Variants in PLET1 observed in about 807,000 individuals in gnomAD.
PLET1 encodes the protein placenta-expressed transcript 1 protein.
A neutral mutation model predicts 18.5 loss-of-function variants in PLET1; 20 were observed. The ratio of observed to expected loss-of-function variants is 1.08; its 90% confidence interval spans 0.76 to 1.57. PLET1 has a LOEUF of 1.57. PLET1 is among the 40% of genes most tolerant of loss of function. PLET1 has a pLI of 0.00. For synonymous variants in PLET1, 93 were observed against 93.8 expected (o/e 0.99, Z 0.05); for missense variants, 256 against 246.4 (o/e 1.04, Z -0.26).
At chr11:112,252,793 T>C (rs1280705181) in intron 2 of PLET1, among the ~76,000 whole-genome samples, 1 of 152,216 alleles carries the variant, frequency 6.6e-6, no homozygotes, top group Non-Finnish European at 1.5e-5. Flanking sequence ...CTAGGCATGA[T>C]GCTCTGTTGC....
chr11:112,255,100 A>ATGTGG (rs1432408752), intron 2 of PLET1, among the ~76,000 whole-genome samples: 2 of 63,870 alleles, frequency 3.1e-5, no homozygotes, highest in Admixed American at 1.9e-4. Context: ...TGTGTGTGGT[A>ATGTGG]TGTATGTGTG....
intron 1 of PLET1, among the ~76,000 whole-genome samples, chr11:112,256,692 A>G (rs1323234669): frequency 6.6e-6 from 1 of 152,234 alleles, no homozygotes; most frequent in Non-Finnish European, 1.5e-5. Flanking sequence ...CTATATGCAC[A>G]CAACAGTTCT....
Position 112,260,393 on chromosome 11 carries a change from G to A in PLET1, c.184+13C>T. On this transcript the variant is annotated intron_variant, in intron 1 of 3. Transcript: ENST00000338832. ...GGGAACAAAGGACAGCAGAGAGCAT[G>A]GCTTCTACTCACCAGAATAGACTGC... The A allele has an allele frequency of 1.9e-6, 3 of 1,547,358 alleles. No individual in the cohort carries two copies. Among genetic ancestry groups the A allele is most frequent in the East Asian group, 4.9e-5 (2 of 40,900 alleles).
At chr11:112,254,218 T>TGTGTGTG (rs1247573835) in intron 2 of PLET1, among the ~76,000 whole-genome samples, 1 of 139,270 alleles carries the variant, frequency 7.2e-6, no homozygotes, top group Non-Finnish European at 1.6e-5. Flanking sequence ...TGTGTGTGTG[T>TGTGTGTG]GAAAAGGGGG....
chr11:112,254,741 GTGCTGT>G, intron 2 of PLET1, among the ~76,000 whole-genome samples: 1 of 134,868 alleles, frequency 7.4e-6, no homozygotes. Flanking sequence ...TGGTGTGTGT[GTGCTGT>G]GTGTGTGGTG....
At position 112,248,946 on chromosome 11, in the gene PLET1, A is replaced by G; in HGVS notation, c.477T>C (p.Ile159=). 1 of 1,550,652 alleles carries G rather than the reference A, an allele frequency of 6.4e-7. No homozygotes were observed. Among genetic ancestry groups the G allele is most frequent in the Non-Finnish European group, 8.7e-7 (1 of 1,146,958 alleles). Residue 159 remains isoleucine (I), a synonymous_variant, in exon 4 of 4, where the codon ATT becomes ATC. Transcript: ENST00000338832. The stretch of plus-strand genomic sequence containing the variant: ...AAGGCTTGAAGGCTGAGCTCTGGGG[A>G]ATCTTGGCAGCTAAGGCTAAGGTTG... The part of the protein sequence containing the change: ...KLSTLALAAK[I]PQSSAFKPFF...
rs1056431077 is a variant in PLET1 at position 112,252,334 on chromosome 11, G to A, written c.448+14C>T. 1 of 1,547,196 alleles carries A rather than the reference G, an allele frequency of 6.5e-7. No individual in the cohort carries two copies. ...TCATTGCAAGACTTGCAAATGGGCTGCAAAGGAACTCACGTTTTTCTCTTA... is the reference window on the plus strand; with the variant it reads ...TCATTGCAAGACTTGCAAATGGGCTACAAAGGAACTCACGTTTTTCTCTTA... On this transcript the variant is annotated intron_variant, in intron 3 of 3. Coordinates refer to ENST00000338832, the MANE Select transcript of PLET1 (RefSeq NM_001145024.1).
chr11:112,258,207 C>CCT (rs760425205), intron 1 of PLET1, among the ~76,000 whole-genome samples: 13 of 151,912 alleles, frequency 8.6e-5, no homozygotes, highest in Non-Finnish European at 1.6e-4. Context: ...TCATCTTTCT[C>CCT]CTGTCTTTCT....
At position 112,248,492 on chromosome 11, in the gene PLET1, G is replaced by A. The variant is rs1156304437; in HGVS notation, c.*307C>T. The A allele has an allele frequency of 7.2e-6, 3 of 417,600 alleles. No individual in the cohort carries two copies. Among genetic ancestry groups the A allele is most frequent in the African/African-American group, 6.1e-5 (3 of 48,906 alleles). The allele number at this position is 417,600 out of a possible 1,614,324, so 25.9% of individuals were successfully genotyped here. ...TTGGCAGTGAACAAAAGTTGAGATT[G>A]GCTGTGGAATTGGCTGCCAACCTGT... On this transcript the variant is annotated 3_prime_UTR_variant, in exon 4 of 4. Transcript: ENST00000338832.
Position 112,248,932 on chromosome 11 carries a change from G to T in PLET1, c.491C>A (p.Ala164Asp). The T allele has an allele frequency of 1.9e-6, 3 of 1,551,112 alleles. No homozygotes were observed. The highest frequency in any genetic ancestry group is 2.6e-6 in the Non-Finnish European group (3 of 1,146,980). Residue 164 changes from alanine (A) to aspartate (D), a missense_variant, in exon 4 of 4, where the codon GCC becomes GAC. Transcript: ENST00000338832. Reference protein sequence around the residue: ...ALAAKIPQSSAFKPFFMITPK... With the variant: ...ALAAKIPQSSDFKPFFMITPK... ...TGTAATCATGAAGAAAGGCTTGAAGGCTGAGCTCTGGGGAATCTTGGCAGC... is the reference window on the plus strand; with the variant it reads ...TGTAATCATGAAGAAAGGCTTGAAGTCTGAGCTCTGGGGAATCTTGGCAGC...
intron 2 of PLET1, among the ~76,000 whole-genome samples, chr11:112,254,806 G>C: frequency 8.2e-6 from 1 of 121,428 alleles, no homozygotes; most frequent in Admixed American, 8.8e-5. Flanking sequence ...TGTGGTGCAT[G>C]TGTGGTGTGT....
chr11:112,260,156 C>G, intron 1 of PLET1: 1 of 447,404 alleles, frequency 2.2e-6, no homozygotes, highest in Non-Finnish European at 3.9e-6. Flanking sequence ...TGTGCTCTTG[C>G]TGGGACTCAG....
intron 3 of PLET1, 41 bp from the exon 4 acceptor site, chr11:112,249,015 G>C (rs1267114574): frequency 1.3e-6 from 2 of 1,534,570 alleles, no homozygotes; most frequent in Non-Finnish European, 1.8e-6. Context: ...CTGGAAAATG[G>C]CATCGGAACC....
chr11:112,248,451 G>A lies in PLET1; in HGVS notation c.*348C>T. ...GGATTCTTCCCACAGAAACTCAGAG[G>A]TTGCAGGGGAATCATTTGGCAGTGA... On this transcript the variant is annotated 3_prime_UTR_variant, in exon 4 of 4. Transcript: ENST00000338832. The A allele has an allele frequency of 2.5e-6, 1 of 405,530 alleles. No individual in the cohort carries two copies. Among genetic ancestry groups the A allele is most frequent in the East Asian group, 3.5e-5 (1 of 28,250 alleles). 25.1% of individuals were successfully genotyped at this position (405,530 alleles called of 1,614,324 possible).
chr11:112,249,552 T>C (rs1860133610), intron 3 of PLET1, among the ~76,000 whole-genome samples: 1 of 152,084 alleles, frequency 6.6e-6, no homozygotes, highest in African/African-American at 2.4e-5. Context: ...TTCTCTGAGG[T>C]TAACTTGCAG....
intron 1 of PLET1, among the ~76,000 whole-genome samples, chr11:112,259,487 A>G (rs1860262820): frequency 6.6e-6 from 1 of 152,216 alleles, no homozygotes; most frequent in African/African-American, 2.4e-5. Context: ...GCTATATAAA[A>G]AATATCTACT....
At position 112,248,621 on chromosome 11, in the gene PLET1, C is replaced by T; in HGVS notation, c.*178G>A. On this transcript the variant is annotated 3_prime_UTR_variant, in exon 4 of 4. Coordinates refer to ENST00000338832, the MANE Select transcript of PLET1 (RefSeq NM_001145024.1). ...AAGATCCAGATGAACATCTATGTGA[C>T]CCAAGCCTGCCAATGAGTGCCTCCA... 3.1e-6 allele frequency: 2 copies of T among 654,980 alleles called. No individual in the cohort carries two copies. Among genetic ancestry groups the T allele is most frequent in the South Asian group, 2.0e-5 (1 of 50,742 alleles). 40.6% of individuals were successfully genotyped at this position (654,980 alleles called of 1,614,324 possible). A position where few individuals can be genotyped will look rare whatever the true frequency, so the allele number is the denominator to read the frequency against.
intron 3 of PLET1, among the ~76,000 whole-genome samples, chr11:112,251,747 A>G (rs961158532): frequency 1.3e-5 from 2 of 152,178 alleles, no homozygotes; most frequent in African/African-American, 2.4e-5. Context: ...AGAGGGAGGT[A>G]AGAGAAAAGA....
chr11:112,252,530 C>T, intron 2 of PLET1, 121 bp from the exon 3 acceptor site: 1 of 815,766 alleles, frequency 1.2e-6, no homozygotes, highest in Non-Finnish European at 2.0e-6. Context: ...CTGTATGGCA[C>T]AATGAGCAGA....
Sources: gnomAD v4.1 joint callset for allele counts (sites outside exome capture counted in the v4.1 genomes callset) on GRCh38, gnomAD v4.1.1 for gene constraint, MANE v1.5 for transcripts, NCBI Gene and HGNC (gene_info 2026-07-23, HGNC 2026-07-21) for gene names.